TSHZ2: variants seen among roughly 807,000 people sequenced by gnomAD.
TSHZ2 encodes the protein teashirt zinc finger homeobox 2, also known as teashirt homolog 2.
Under a neutral mutation model 74.4 loss-of-function variants are expected in TSHZ2, and 21 were observed. That is an observed-to-expected ratio of 0.28 (90% CI 0.20 to 0.41). The LOEUF is 0.41. TSHZ2 is among the 10% of genes least tolerant of loss of function. TSHZ2 has a pLI of 1.00. For missense variants in TSHZ2, 1,244 were observed against 1,293.5 expected (o/e 0.96, Z 0.59); for synonymous variants, 540 against 515.3 (o/e 1.05, Z -0.65).
At chr20:53,340,214 GCT>G (rs11471200) in intron 2 of TSHZ2, among the ~76,000 whole-genome samples, 67,484 of 115,818 alleles carry the variant, frequency 0.58, 18,777 homozygotes, top group African/African-American at 0.67. Flanking sequence ...ATGGAGTCTC[GCT>G]CTGTCACCCA....
chr20:53,131,193 A>T (rs554810083), intron 1 of TSHZ2, among the ~76,000 whole-genome samples: 1 of 152,358 alleles, frequency 6.6e-6, no homozygotes, highest in African/African-American at 2.4e-5. Flanking sequence ...AACACAAGAA[A>T]GTCACCAGGA....
In TSHZ2 at chr20:53,160,745, C is replaced by CAAAAAAAAAAAAAA. The variant is rs10653039; in HGVS notation, c.41-92749_41-92736dup. Among the ~76,000 whole-genome samples, 415 of 95,732 alleles carry CAAAAAAAAAAAAAA rather than the reference C, an allele frequency of 4.3e-3. 19 individuals carry two copies. The highest frequency in any genetic ancestry group is 0.017 in the African/African-American group (391 of 23,582). 62.8% of individuals were successfully genotyped at this position (95,732 alleles called of 152,430 possible). A position where few individuals can be genotyped will look rare whatever the true frequency, so the allele number is the denominator to read the frequency against. On this transcript the variant is annotated intron_variant, in intron 1 of 2. Transcript: ENST00000371497. ...GGGTGACAGGGCAAGACTCTGTCTCCAAAAAAAAAAAAAAAAAAGACATTT... is the reference window on the plus strand; with the variant it reads ...GGGTGACAGGGCAAGACTCTGTCTCCAAAAAAAAAAAAAAAAAAAAAAAAAAAAAAAAGACATTT...
At chr20:53,190,252 A>G (rs1687028175) in intron 1 of TSHZ2, among the ~76,000 whole-genome samples, 1 of 150,456 alleles carries the variant, frequency 6.6e-6, no homozygotes, top group Non-Finnish European at 1.5e-5. Flanking sequence ...AGAATAGATT[A>G]CCAGGCAAGC....
chr20:53,063,166 T>C (rs544858420), intron 1 of TSHZ2, among the ~76,000 whole-genome samples: 1 of 152,298 alleles, frequency 6.6e-6, no homozygotes, highest in South Asian at 2.1e-4. Flanking sequence ...GAGCATGTGC[T>C]ATTGGAAAAA....
chr20:53,076,715 T>C (rs1283549568), intron 1 of TSHZ2, among the ~76,000 whole-genome samples: 2 of 152,178 alleles, frequency 1.3e-5, no homozygotes, highest in African/African-American at 2.4e-5. Context: ...ACAGGTACCT[T>C]ATTTGCTGAC....
chr20:53,334,893 AG>A (rs1440569628), intron 2 of TSHZ2, among the ~76,000 whole-genome samples: 4 of 152,134 alleles, frequency 2.6e-5, no homozygotes, highest in African/African-American at 9.7e-5. Flanking sequence ...CATATTAGCC[AG>A]GCTGGTCTCG....
At chr20:53,386,655 G>T (rs568921755) in intron 2 of TSHZ2, among the ~76,000 whole-genome samples, 44 of 152,310 alleles carry the variant, frequency 2.9e-4, no homozygotes, top group African/African-American at 1.0e-3. Flanking sequence ...TGCCTTTGGG[G>T]TACCGGGAGT....
chr20:53,307,113 G>T (rs1387441810), intron 2 of TSHZ2, among the ~76,000 whole-genome samples: 1 of 151,870 alleles, frequency 6.6e-6, no homozygotes, highest in Admixed American at 6.6e-5. Context: ...GTGAGGCTGA[G>T]TGCGGGTAAA....
intron 1 of TSHZ2, among the ~76,000 whole-genome samples, chr20:53,205,159 G>A (rs757695533): frequency 6.6e-6 from 1 of 151,728 alleles, no homozygotes; most frequent in East Asian, 1.9e-4. Flanking sequence ...ATTCAATTCT[G>A]GATTTGTCTA....
chr20:53,022,089 A>G (rs1189217067), intron 1 of TSHZ2, among the ~76,000 whole-genome samples: 1 of 152,160 alleles, frequency 6.6e-6, no homozygotes, highest in Non-Finnish European at 1.5e-5. Context: ...AAGAAGTGCT[A>G]CTCTAAGTGA....
chr20:53,430,387 G>A (rs554325205), intron 2 of TSHZ2, among the ~76,000 whole-genome samples: 4 of 152,148 alleles, frequency 2.6e-5, no homozygotes, highest in African/African-American at 9.6e-5. Context: ...TTACAGGCAT[G>A]AGCCACTGCA....
At chr20:52,998,767 A>G (rs567357683) in intron 1 of TSHZ2, among the ~76,000 whole-genome samples, 32 of 152,314 alleles carry the variant, frequency 2.1e-4, no homozygotes, top group Admixed American at 4.6e-4. Context: ...TGTCCAGTAC[A>G]TGTAGAAGCT....
intron 1 of TSHZ2, among the ~76,000 whole-genome samples, chr20:53,002,732 C>A (rs1407296471): frequency 6.6e-6 from 1 of 151,952 alleles, no homozygotes; most frequent in Non-Finnish European, 1.5e-5. Flanking sequence ...TAAGGATGTC[C>A]AGTACAGTAT....
intron 2 of TSHZ2, among the ~76,000 whole-genome samples, chr20:53,354,368 A>C (rs1043563635): frequency 3.9e-5 from 6 of 152,212 alleles, no homozygotes; most frequent in Non-Finnish European, 7.3e-5. Flanking sequence ...GATCTTCTTG[A>C]TAGTTGCAGA....
intron 2 of TSHZ2, among the ~76,000 whole-genome samples, chr20:53,261,483 G>C (rs1990599783): frequency 6.6e-6 from 1 of 152,150 alleles, no homozygotes. Context: ...TTAGGGAAAG[G>C]AAATGAGAAC....
chr20:52,979,030 G>A (rs536098312), intron 1 of TSHZ2, among the ~76,000 whole-genome samples: 6 of 152,094 alleles, frequency 3.9e-5, no homozygotes, highest in South Asian at 4.1e-4. Flanking sequence ...TCTTTGGCAA[G>A]CAGCTCTTCG....
chr20:52,991,202 T>C (rs1318848187), intron 1 of TSHZ2, among the ~76,000 whole-genome samples: 1 of 150,862 alleles, frequency 6.6e-6, no homozygotes, highest in African/African-American at 2.4e-5. Flanking sequence ...TTCTGATGCA[T>C]GATTTTGTGT....
intron 2 of TSHZ2, among the ~76,000 whole-genome samples, chr20:53,284,612 G>GT (rs934218223): frequency 2.0e-5 from 3 of 152,066 alleles, no homozygotes; most frequent in Non-Finnish European, 4.4e-5. Flanking sequence ...TCCCCCTGTG[G>GT]CCCCGAAGTA....
At position 53,493,764 on chromosome 20, in the gene TSHZ2, G is replaced by A. The variant is rs372413803; in HGVS notation, c.*6629G>A. 1 of 151,692 alleles carries A rather than the reference G, an allele frequency of 6.6e-6. No individual in the cohort carries two copies. Among genetic ancestry groups the A allele is most frequent in the African/African-American group, 2.4e-5 (1 of 41,326 alleles). 9.4% of individuals were successfully genotyped at this position (151,692 alleles called of 1,614,324 possible). A position where few individuals can be genotyped will look rare whatever the true frequency, so the allele number is the denominator to read the frequency against. On this transcript the variant is annotated 3_prime_UTR_variant, in exon 3 of 3. Transcript: ENST00000371497. ...AAAAAAAAAAAGAACTTTTCTGCTAGGAAGATTATACCACCCTGTGGCCAA... is the reference window on the plus strand; with the variant it reads ...AAAAAAAAAAAGAACTTTTCTGCTAAGAAGATTATACCACCCTGTGGCCAA...
Sources: allele counts gnomAD v4.1 joint callset (sites outside exome capture counted in the v4.1 genomes callset), GRCh38; gene constraint gnomAD v4.1.1; transcripts MANE v1.5; gene names NCBI Gene and HGNC (gene_info 2026-07-23, HGNC 2026-07-21).